Variants in CEBPZOS observed in about 807,000 individuals in gnomAD.
The protein encoded by CEBPZOS is protein CEBPZOS.
CEBPZOS carries 10 observed loss-of-function variants against 4.8 expected under a neutral mutation model. The ratio of observed to expected loss-of-function variants is 2.07; its 90% CI spans 1.28 to 3.52. The LOEUF (loss-of-function observed/expected upper bound fraction) is 3.52, where lower values mean the gene tolerates loss of function less well. Among genes scored for constraint, CEBPZOS ranks in the 30% most tolerant of loss-of-function variants. The pLI, the probability that CEBPZOS is intolerant of heterozygous loss-of-function variation, is 0.00. For missense variants in CEBPZOS, 98 were observed against 43.6 expected, an observed-to-expected ratio of 2.25 and a Z score of -3.51; for synonymous variants, 25 against 14.2, an observed-to-expected ratio of 1.77 and a Z score of -1.72.
At chr2:37,209,231 A>C (rs1558469327), downstream of CEBPZOS, 1 of 152,162 alleles carries the variant, frequency 6.6e-6, no homozygotes. Flanking sequence ...AAAGCAATCT[A>C]TAAATTTAAT....
chr2:37,213,633 C>T (rs1438242442), exon 5 of CEBPZOS: 15 of 381,834 alleles, frequency 3.9e-5, no homozygotes, highest in South Asian at 1.1e-4. Flanking sequence ...AGGCTGGTCT[C>T]GAACTCCTGA....
downstream of CEBPZOS, among the ~76,000 whole-genome samples, chr2:37,206,824 C>A (rs767613606): frequency 6.6e-6 from 1 of 152,192 alleles, no homozygotes. Context: ...ATCTCAAATA[C>A]TACGTTGGAT....
chr2:37,216,018 G>T, downstream of CEBPZOS: 3 of 607,284 alleles, frequency 4.9e-6, no homozygotes, highest in Non-Finnish European at 7.9e-6. Flanking sequence ...TGGGAAAAAA[G>T]ATGGATAATG....
rs1677336470 is a variant in CEBPZOS, at chr2:37,202,761, A to G, written c.*901A>G. The G allele has an allele frequency of 4.9e-6, 7 of 1,437,654 alleles. No individual in the cohort carries two copies. Among genetic ancestry groups the G allele is most frequent in the Non-Finnish European group, 5.6e-6 (6 of 1,066,872 alleles). 89.1% of individuals were successfully genotyped at this position (1,437,654 alleles called of 1,614,324 possible). A position where few individuals can be genotyped will look rare whatever the true frequency, so the allele number is the denominator to read the frequency against. On this transcript the variant is annotated 3_prime_UTR_variant, in exon 5 of 5. Coordinates refer to ENST00000402297, the MANE Select transcript of CEBPZOS (RefSeq NM_001322374.2). The stretch of plus-strand genomic sequence containing the variant: ...AGCCAAAGCTATTTTTAAAACATCA[A>G]TAAAAAAATTTAAGTTACTTACTTG...
chr2:37,214,767 TA>T, downstream of CEBPZOS: 1 of 576,302 alleles, frequency 1.7e-6, no homozygotes, highest in Non-Finnish European at 3.1e-6. Context: ...TTCCATGGTC[TA>T]TTTACACACA....
At chr2:37,213,846 G>A (rs372182364), downstream of CEBPZOS, 1 of 1,531,604 alleles carries the variant, frequency 6.5e-7, no homozygotes, top group Non-Finnish European at 9.0e-7. Context: ...TTTACAAAGA[G>A]TCAACAAAAC....
chr2:37,214,899 C>G (rs1677831635), downstream of CEBPZOS: 1 of 1,607,780 alleles, frequency 6.2e-7, no homozygotes, highest in South Asian at 1.1e-5. Flanking sequence ...TGGAAAAACA[C>G]TTCATCCACT....
chr2:37,200,900 T>G, intron 2 of CEBPZOS, 148 bp from the exon 3 acceptor site: 1 of 575,360 alleles, frequency 1.7e-6, no homozygotes. Context: ...AGGAGATCGT[T>G]CCTGGATTAC....
downstream of CEBPZOS, chr2:37,216,041 A>G: frequency 1.2e-6 from 1 of 837,500 alleles, no homozygotes. Context: ...TTTGATGCTC[A>G]GGTTTTATTC....
Position 37,202,696 on chromosome 2 carries a change from TAAATAAAATAAC to T in CEBPZOS, c.*837_*848del, listed in dbSNP as rs1677329376. ...AAAAAAAAAAAAAAAAAAAAAAGAA[TAAATAAAATAAC>T]GAAAATTTCCTATCTTCTGAAGTTC... On this transcript the variant is annotated 3_prime_UTR_variant, in exon 5 of 5. Coordinates refer to ENST00000402297, the MANE Select transcript of CEBPZOS (RefSeq NM_001322374.2). 12 of 131,650 alleles carry T rather than the reference TAAATAAAATAAC, an allele frequency of 9.1e-5. 2 individuals carry two copies. In the East Asian group the frequency reaches 2.0e-3, roughly 22 times the overall value. 8.2% of individuals were successfully genotyped at this position (131,650 alleles called of 1,614,324 possible). A position where few individuals can be genotyped will look rare whatever the true frequency, so the allele number is the denominator to read the frequency against.
At chr2:37,206,727 C>G (rs1337196699), downstream of CEBPZOS, among the ~76,000 whole-genome samples, 1 of 152,164 alleles carries the variant, frequency 6.6e-6, no homozygotes, top group Non-Finnish European at 1.5e-5. Flanking sequence ...CTAAATCTTA[C>G]AGGGCCTATA....
chr2:37,200,295 A>C (rs2148322455), intron 2 of CEBPZOS, among the ~76,000 whole-genome samples: 1 of 152,264 alleles, frequency 6.6e-6, no homozygotes, highest in East Asian at 1.9e-4. Context: ...TTCTTGGGGA[A>C]ATTTTATATT....
chr2:37,197,048 T>A (rs1676978397), intron 1 of CEBPZOS, among the ~76,000 whole-genome samples: 1 of 152,194 alleles, frequency 6.6e-6, no homozygotes. Context: ...GGCTTGAGCT[T>A]GTGTCCCCGA....
downstream of CEBPZOS, chr2:37,209,225 C>T (rs2148344538): frequency 6.6e-6 from 1 of 152,102 alleles, no homozygotes; most frequent in East Asian, 1.9e-4. Flanking sequence ...CTGCCAAAAG[C>T]AATCTATAAA....
chr2:37,199,537 CTAGG>C (rs1677108544), intron 1 of CEBPZOS, among the ~76,000 whole-genome samples, 163 bp from the exon 2 acceptor site: 1 of 152,164 alleles, frequency 6.6e-6, no homozygotes. Context: ...AGTTTGAAAA[CTAGG>C]TAGATAGGAT....
chr2:37,208,202 G>T (rs1677603245), downstream of CEBPZOS, among the ~76,000 whole-genome samples: 1 of 152,188 alleles, frequency 6.6e-6, no homozygotes, highest in Non-Finnish European at 1.5e-5. Context: ...TGGATTCACA[G>T]CTGAATTCTA....
intron 4 of CEBPZOS, chr2:37,210,789 A>G: frequency 4.3e-6 from 2 of 467,286 alleles, no homozygotes; most frequent in South Asian, 6.6e-5. Flanking sequence ...AAATTTTTAA[A>G]AAGTGAATGA....
intron 4 of CEBPZOS, chr2:37,210,891 C>A (rs531007625): frequency 7.6e-5 from 44 of 575,912 alleles, no homozygotes; most frequent in East Asian, 3.0e-4. Flanking sequence ...GAACCCCCCC[C>A]ACCCCTGAAT....
At chr2:37,213,894 C>T (rs770254106), downstream of CEBPZOS, 26 of 1,606,850 alleles carry the variant, frequency 1.6e-5, no homozygotes, top group African/African-American at 4.0e-5. Context: ...TCATCATCCA[C>T]GTCTTCTATA....
Sources: gnomAD v4.1 joint callset for allele counts (sites outside exome capture counted in the v4.1 genomes callset) on GRCh38, gnomAD v4.1.1 for gene constraint, MANE v1.5 for transcripts, NCBI Gene and HGNC (gene_info 2026-07-23, HGNC 2026-07-21) for gene names.